Variants in MAMDC2 observed in about 807,000 individuals in gnomAD.
MAMDC2 encodes MAM domain containing 2.
A neutral mutation model predicts 89.8 loss-of-function variants in MAMDC2; 57 were observed. The observed-to-expected ratio is 0.63, with a 90% CI of 0.51 to 0.79. The LOEUF is 0.79. Ranked by LOEUF, MAMDC2 falls within the 30% of genes least tolerant of loss-of-function variation. MAMDC2 has a pLI of 0.00. For missense variants in MAMDC2, 800 were observed against 820.6 expected (o/e 0.97, Z 0.31); for synonymous variants, 313 against 293.4 (o/e 1.07, Z -0.68).
chr9:70,186,823 A>G (rs533451237), intron 11 of MAMDC2, among the ~76,000 whole-genome samples: 1 of 152,332 alleles, frequency 6.6e-6, no homozygotes, highest in East Asian at 1.9e-4. Flanking sequence ...CAACATGGTG[A>G]GACAGAGCAA....
intron 11 of MAMDC2, among the ~76,000 whole-genome samples, chr9:70,190,791 G>A (rs1396662997): frequency 6.6e-6 from 1 of 152,078 alleles, no homozygotes; most frequent in Non-Finnish European, 1.5e-5. Flanking sequence ...ATGCCATGTG[G>A]ATACAGTTGT....
intron 2 of MAMDC2, among the ~76,000 whole-genome samples, chr9:70,077,039 A>C (rs1158849085): frequency 6.6e-6 from 1 of 152,190 alleles, no homozygotes; most frequent in African/African-American, 2.4e-5. Flanking sequence ...ATATGTCAGC[A>C]TCAGGAAGTA....
intron 2 of MAMDC2, among the ~76,000 whole-genome samples, chr9:70,056,272 A>G (rs190631043): frequency 1.4e-3 from 209 of 152,348 alleles, no homozygotes; most frequent in African/African-American, 4.6e-3. Flanking sequence ...ATAATAGGGT[A>G]GACTGTTGGA....
At chr9:70,112,615 TTGTACCAAGCACTGACCACA>T (rs1563959680) in intron 4 of MAMDC2, among the ~76,000 whole-genome samples, 1 of 152,154 alleles carries the variant, frequency 6.6e-6, no homozygotes, top group South Asian at 2.1e-4. Context: ...AATAGCTGAC[TTGTACCAAGCACTGACCACA>T]TGCCTGGCAC....
intron 6 of MAMDC2, among the ~76,000 whole-genome samples, chr9:70,130,200 C>T (rs1229102728): frequency 6.6e-6 from 1 of 152,098 alleles, no homozygotes; most frequent in African/African-American, 2.4e-5. Context: ...TAGAGGTTGG[C>T]ACTTCAACAC....
At position 70,209,915 on chromosome 9, in the gene MAMDC2, G is replaced by A. The variant is rs1298455644; in HGVS notation, c.1652-8422G>A. Among the ~76,000 whole-genome samples the A allele has an allele frequency of 2.0e-5, 3 of 152,200 alleles. No individual in the cohort carries two copies. In the East Asian group the frequency reaches 5.8e-4, roughly 29 times the overall value. On this transcript the variant is annotated intron_variant, in intron 11 of 13. Coordinates refer to ENST00000377182, the MANE Select transcript of MAMDC2 (RefSeq NM_153267.5). ...GTACCCAATAGTCATTCAGGAGCAG[G>A]TTGTTCAGTTTCCATGTAGTTGAGC... is the stretch of plus-strand genomic sequence containing the variant.
At chr9:70,136,741 T>G (rs2031026547) in intron 7 of MAMDC2, among the ~76,000 whole-genome samples, 2 of 152,232 alleles carry the variant, frequency 1.3e-5, no homozygotes, top group South Asian at 4.1e-4. Flanking sequence ...CTGAGTTAGA[T>G]GGCCCTCTGT....
chr9:70,111,100 C>T (rs573342532), intron 4 of MAMDC2, among the ~76,000 whole-genome samples: 118 of 152,258 alleles, frequency 7.7e-4, no homozygotes, highest in African/African-American at 2.8e-3. Flanking sequence ...TTGAGCCTCC[C>T]GCTGGGCTTC....
chr9:70,074,719 G>C (rs1022318214), intron 2 of MAMDC2, among the ~76,000 whole-genome samples: 1 of 152,230 alleles, frequency 6.6e-6, no homozygotes, highest in African/African-American at 2.4e-5. Flanking sequence ...CTGTGCGCTT[G>C]AGGGAGCAAC....
intron 6 of MAMDC2, among the ~76,000 whole-genome samples, chr9:70,127,478 C>T (rs2030605842): frequency 6.6e-6 from 1 of 151,804 alleles, no homozygotes; most frequent in Non-Finnish European, 1.5e-5. Flanking sequence ...CCACTTTTCA[C>T]TTTGTGCTTT....
At chr9:70,054,736 C>G (rs1826990204) in intron 2 of MAMDC2, among the ~76,000 whole-genome samples, 1 of 152,034 alleles carries the variant, frequency 6.6e-6, no homozygotes, top group Non-Finnish European at 1.5e-5. Context: ...TTCAGAAACC[C>G]TAAGAGCCTG....
chr9:70,166,735 T>G (rs1184109183), intron 9 of MAMDC2, among the ~76,000 whole-genome samples: 1 of 152,196 alleles, frequency 6.6e-6, no homozygotes, highest in African/African-American at 2.4e-5. Context: ...TTTCTCTTCT[T>G]TGGAATTTAT....
chr9:70,168,772 A>G lies in MAMDC2; in HGVS notation c.1475A>G (p.Gln492Arg), dbSNP rs1009433267. 1 of 1,613,926 alleles carries G rather than the reference A, an allele frequency of 6.2e-7. No individual in the cohort carries two copies. The highest frequency in any genetic ancestry group is 1.3e-5 in the African/African-American group (1 of 74,922). Residue 492 changes from glutamine to arginine, a missense_variant, in exon 10 of 14, where the codon CAA becomes CGA. Coordinates refer to ENST00000377182, the MANE Select transcript of MAMDC2 (RefSeq NM_153267.5). ...GLVALDDITIQLGSCSSSEKL... is the reference protein window; with the variant it reads ...GLVALDDITIRLGSCSSSEKL... ...GTAGCCCTGGATGACATTACAATAC[A>G]ATTGGGAAGCTGCTCATCTTCAGGT... is the stretch of plus-strand genomic sequence containing the variant.
intron 9 of MAMDC2, chr9:70,152,988 A>C (rs552316095): frequency 1.3e-5 from 2 of 152,318 alleles, no homozygotes; most frequent in South Asian, 4.1e-4. Context: ...ATAAGGTTTT[A>C]TAGACAACAT....
At chr9:70,072,373 G>T (rs1827429105) in intron 2 of MAMDC2, among the ~76,000 whole-genome samples, 1 of 152,102 alleles carries the variant, frequency 6.6e-6, no homozygotes. Flanking sequence ...TCTGGCTGAG[G>T]CTTCTTTCCT....
In MAMDC2 at chr9:70,176,054, C is replaced by T. The variant is rs570566506; in HGVS notation, c.1651+5423C>T. On this transcript the variant is annotated intron_variant, in intron 11 of 13. Coordinates refer to ENST00000377182, the MANE Select transcript of MAMDC2 (RefSeq NM_153267.5). ...TTTGGAGAAGACACAATTGAACCCA[C>T]TCCCAGGATTTAGGGCAATGGGTTG... 2.0e-5 allele frequency among the ~76,000 whole-genome samples: 3 copies of T among 152,328 alleles called. No homozygotes were observed. In the South Asian group the frequency reaches 6.2e-4, roughly 32 times the overall value.
chr9:70,143,967 T>C, intron 9 of MAMDC2, 148 bp downstream of exon 9: 1 of 892,360 alleles, frequency 1.1e-6, no homozygotes, highest in Non-Finnish European at 1.7e-6. Flanking sequence ...CCCAGCCACA[T>C]ACAGGTTAAT....
In MAMDC2 at chr9:70,108,428, A is replaced by G. The variant is rs1470079139; in HGVS notation, c.366A>G (p.Ser122=). ...DRLLWSAKEP[S]DSWLIASLDL... ...TGCTTTGGTCAGCTAAGGAACCTTC[A>G]GACAGCTGGCTCATAGCCAGCTTGG... Residue 122 remains serine, a synonymous_variant, in exon 3 of 14, where the codon TCA becomes TCG. Coordinates refer to ENST00000377182, the MANE Select transcript of MAMDC2 (RefSeq NM_153267.5). 2 of 1,613,386 alleles carry G rather than the reference A, an allele frequency of 1.2e-6. No homozygotes were observed. The highest frequency in any genetic ancestry group is 3.3e-5 in the Admixed American group (2 of 59,908).
chr9:70,068,587 C>T lies in MAMDC2; in HGVS notation c.148+23890C>T, dbSNP rs548999103. Among the ~76,000 whole-genome samples the T allele has an allele frequency of 3.3e-5, 5 of 151,960 alleles. No homozygotes were observed. In the South Asian group the frequency reaches 8.3e-4, roughly 25 times the overall value. On this transcript the variant is annotated intron_variant, in intron 2 of 13. Transcript: ENST00000377182. ...CAACAACAACAACAAATTAGCCGGG[C>T]GTGGTGGCAGGCACCTGTAATCCTA...
Sources: allele counts gnomAD v4.1 joint callset (sites outside exome capture counted in the v4.1 genomes callset), GRCh38; gene constraint gnomAD v4.1.1; transcripts MANE v1.5; gene names NCBI Gene and HGNC (gene_info 2026-07-23, HGNC 2026-07-21).